The following INSYN2B variants were observed in gnomAD, a reference collection of about 807,000 sequenced individuals.
INSYN2B encodes protein INSYN2B.
In INSYN2B, 16 loss-of-function variants were observed where a neutral mutation model predicts 41.2. The observed-to-expected ratio is 0.39, with a 90% confidence interval of 0.26 to 0.59. INSYN2B has a LOEUF of 0.59. INSYN2B is among the 20% of genes least tolerant of loss of function. The pLI is 0.57. For missense variants in INSYN2B, 608 were observed against 646.4 expected, an observed-to-expected ratio of 0.94 and a Z score of 0.64; for synonymous variants, 245 against 244.4, an observed-to-expected ratio of 1.00 and a Z score of -0.02.
chr5:169,905,004 C>T (rs1288296720), intron 1 of INSYN2B, among the ~76,000 whole-genome samples: 3 of 152,190 alleles, frequency 2.0e-5, no homozygotes, highest in Non-Finnish European at 4.4e-5. Context: ...CCCTGAGCCT[C>T]AGTCACTCAT....
In INSYN2B at chr5:169,883,177, G is replaced by A. The variant is rs780974743; in HGVS notation, c.722C>T (p.Pro241Leu). Residue 241 changes from proline to leucine, a missense_variant, in exon 2 of 4, where the codon CCA (proline) becomes CTA (leucine). Coordinates refer to ENST00000377365, the MANE Select transcript of INSYN2B (RefSeq NM_001129891.3). The part of the protein sequence containing the change: ...NSIHPLDDTR[P>L]GDGRRVTPLD... ...TGGAGTCACCCTTCTCCCATCACCT[G>A]GACGTGTGTCATCCAAAGGGTGTAT... 3.9e-6 allele frequency: 6 copies of A among 1,551,514 alleles called. No individual in the cohort carries two copies. Among genetic ancestry groups the A allele is most frequent in the Admixed American group, 2.0e-5 (1 of 50,982 alleles).
chr5:169,921,421 G>A (rs1775168642), intron 1 of INSYN2B, among the ~76,000 whole-genome samples: 1 of 152,210 alleles, frequency 6.6e-6, no homozygotes, highest in Non-Finnish European at 1.5e-5. Context: ...GAGGACTGCT[G>A]TGATATTCTT....
intron 1 of INSYN2B, among the ~76,000 whole-genome samples, chr5:169,934,401 C>T (rs182621360): frequency 1.1e-3 from 170 of 152,286 alleles, no homozygotes; most frequent in African/African-American, 4.0e-3. Flanking sequence ...TTTACCTATC[C>T]GCATGCCCGT....
chr5:169,889,938 C>T (rs1336825391), intron 1 of INSYN2B, among the ~76,000 whole-genome samples: 1 of 152,176 alleles, frequency 6.6e-6, no homozygotes. Context: ...TTGCCGTGTC[C>T]CTTCTCTGAA....
intron 1 of INSYN2B, among the ~76,000 whole-genome samples, chr5:169,930,312 A>G (rs1055093604): frequency 1.3e-5 from 2 of 152,214 alleles, no homozygotes; most frequent in Non-Finnish European, 1.5e-5. Flanking sequence ...AAATAACCAC[A>G]TATGGGTGAT....
At chr5:169,914,537 T>A (rs1274774371) in intron 1 of INSYN2B, among the ~76,000 whole-genome samples, 1 of 152,242 alleles carries the variant, frequency 6.6e-6, no homozygotes, top group Admixed American at 6.5e-5. Context: ...ATCAGAATGT[T>A]AAAACTGGCA....
At chr5:169,950,963 T>C (rs1776639561) in intron 1 of INSYN2B, among the ~76,000 whole-genome samples, 1 of 152,234 alleles carries the variant, frequency 6.6e-6, no homozygotes, top group African/African-American at 2.4e-5. Flanking sequence ...TTGATGAGAC[T>C]ATATAAAATT....
intron 1 of INSYN2B, among the ~76,000 whole-genome samples, chr5:169,939,610 G>A (rs1776149627): frequency 6.6e-6 from 1 of 152,176 alleles, no homozygotes; most frequent in South Asian, 2.1e-4. Flanking sequence ...ACAAATAGGT[G>A]AGTGATGCAT....
At chr5:169,872,976 GATT>G (rs1772083999) in intron 3 of INSYN2B, among the ~76,000 whole-genome samples, 1 of 152,194 alleles carries the variant, frequency 6.6e-6, no homozygotes, top group Admixed American at 6.5e-5. Context: ...AAATGGTAAT[GATT>G]ATTACACTAA....
intron 1 of INSYN2B, among the ~76,000 whole-genome samples, chr5:169,896,772 G>T (rs776260471): frequency 1.6e-4 from 24 of 152,122 alleles, no homozygotes; most frequent in Non-Finnish European, 3.1e-4. Context: ...GTCCCTACCC[G>T]CTGCTCACAG....
At chr5:169,952,300 A>C (rs778916838) in intron 1 of INSYN2B, among the ~76,000 whole-genome samples, 26 of 152,136 alleles carry the variant, frequency 1.7e-4, no homozygotes, top group Non-Finnish European at 3.2e-4. Flanking sequence ...CTTGTTGTGT[A>C]CCTGATGCAC....
chr5:169,966,507 T>G (rs1439511194), intron 1 of INSYN2B, among the ~76,000 whole-genome samples: 1 of 152,140 alleles, frequency 6.6e-6, no homozygotes, highest in African/African-American at 2.4e-5. Flanking sequence ...AAGATCCCCA[T>G]GAAGTCAGCA....
In INSYN2B at chr5:169,915,564, A is replaced by G. The variant is rs1329910924; in HGVS notation, c.-918-30748T>C. On this transcript the variant is annotated intron_variant, in intron 1 of 3. Transcript: ENST00000377365. Reference sequence around the variant, plus strand: ...TTTGAGGAATTGACAGGGAACACACACACACACACACACACACACACACAC... The same window carrying G: ...TTTGAGGAATTGACAGGGAACACACGCACACACACACACACACACACACAC... Among the ~76,000 whole-genome samples, 5 of 51,294 alleles carry G rather than the reference A, an allele frequency of 9.7e-5. No individual in the cohort carries two copies. The East Asian group carries it at 2.4e-3, about 25-fold the overall frequency. The allele number at this position is 51,294 out of a possible 152,430, so 33.7% of individuals were successfully genotyped here. A position where few individuals can be genotyped will look rare whatever the true frequency, so the allele number is the denominator to read the frequency against.
chr5:169,954,974 G>T (rs1404872284), intron 1 of INSYN2B, among the ~76,000 whole-genome samples: 6 of 152,230 alleles, frequency 3.9e-5, no homozygotes, highest in Non-Finnish European at 7.3e-5. Flanking sequence ...CGCAGACTGT[G>T]CCTCCTGTGA....
intron 1 of INSYN2B, among the ~76,000 whole-genome samples, chr5:169,941,053 G>A (rs1450159956): frequency 6.6e-6 from 1 of 152,178 alleles, no homozygotes. Context: ...CTTCAGTGGG[G>A]TAGGCAGATA....
chr5:169,958,228 C>CAAAAAAAAA (rs34936678), intron 1 of INSYN2B, among the ~76,000 whole-genome samples: 1 of 150,288 alleles, frequency 6.7e-6, no homozygotes, highest in Non-Finnish European at 1.5e-5. Flanking sequence ...CTTTGTTTTG[C>CAAAAAAAAA]AAAAAAAAAA....
At chr5:169,919,258 G>T (rs1775044233) in intron 1 of INSYN2B, among the ~76,000 whole-genome samples, 1 of 152,100 alleles carries the variant, frequency 6.6e-6, no homozygotes, top group South Asian at 2.1e-4. Context: ...CATCGATATG[G>T]GGCAGAGGTG....
intron 1 of INSYN2B, among the ~76,000 whole-genome samples, chr5:169,940,072 C>T (rs758332418): frequency 5.9e-5 from 9 of 152,312 alleles, no homozygotes; most frequent in Middle Eastern, 3.4e-3. Flanking sequence ...GCCCTGGTGA[C>T]GGCTGTGGGT....
rs551338153 is a variant in INSYN2B at position 169,862,318 on chromosome 5, A to G, written c.*1955T>C. Among the ~76,000 whole-genome samples the G allele has an allele frequency of 6.6e-6, 1 of 152,258 alleles. No individual in the cohort carries two copies. Among genetic ancestry groups the G allele is most frequent in the Non-Finnish European group, 1.5e-5 (1 of 68,044 alleles). On this transcript the variant is annotated 3_prime_UTR_variant, in exon 4 of 4. Coordinates refer to ENST00000377365, the MANE Select transcript of INSYN2B (RefSeq NM_001129891.3). ...TAATTCTGGGAACAGGGTTATTTACATTCTAGCATGATGCCCGAGAATATA... is the reference window on the plus strand; with the variant it reads ...TAATTCTGGGAACAGGGTTATTTACGTTCTAGCATGATGCCCGAGAATATA...
Sources: allele counts gnomAD v4.1 joint callset (sites outside exome capture counted in the v4.1 genomes callset), GRCh38; gene constraint gnomAD v4.1.1; transcripts MANE v1.5; gene names NCBI Gene and HGNC (gene_info 2026-07-23, HGNC 2026-07-21).